The following LHFPL2 variants were observed in gnomAD, a reference collection of about 807,000 sequenced individuals.
LHFPL2 encodes the protein LHFPL tetraspan subfamily member 2 protein.
A neutral mutation model predicts 17.5 loss-of-function variants in LHFPL2; 7 were observed. That is an observed-to-expected ratio of 0.40 (90% confidence interval 0.23 to 0.75). LHFPL2 has a LOEUF of 0.75. Ranked by LOEUF, LHFPL2 falls within the 30% of genes least tolerant of loss-of-function variation. The pLI is 0.37. For missense variants in LHFPL2, 241 were observed against 294.8 expected (o/e 0.82, Z 1.34); for synonymous variants, 134 against 116.2 (o/e 1.15, Z -0.99).
intron 2 of LHFPL2, among the ~76,000 whole-genome samples, chr5:78,597,165 G>A (rs1293221072): frequency 6.6e-6 from 1 of 152,194 alleles, no homozygotes; most frequent in Non-Finnish European, 1.5e-5. Flanking sequence ...AGTGGAAACA[G>A]CCCACGAGCG....
At chr5:78,619,078 T>A (rs915088213) in intron 2 of LHFPL2, among the ~76,000 whole-genome samples, 1 of 152,128 alleles carries the variant, frequency 6.6e-6, no homozygotes, top group African/African-American at 2.4e-5. Flanking sequence ...CAGGTTGGAG[T>A]GCAGTGGTGC....
chr5:78,556,079 G>A (rs1381614861), intron 3 of LHFPL2, among the ~76,000 whole-genome samples: 21 of 152,152 alleles, frequency 1.4e-4, no homozygotes, highest in Non-Finnish European at 1.5e-5. Context: ...GGCACCCACT[G>A]GGCAGGGCTA....
chr5:78,574,783 G>A (rs1489943127), intron 2 of LHFPL2, among the ~76,000 whole-genome samples: 1 of 152,214 alleles, frequency 6.6e-6, no homozygotes, highest in East Asian at 1.9e-4. Context: ...TTCTGCTGAT[G>A]CATGTTTTGG....
At chr5:78,562,566 C>T (rs1191963752) in intron 3 of LHFPL2, among the ~76,000 whole-genome samples, 2 of 149,758 alleles carry the variant, frequency 1.3e-5, no homozygotes, top group African/African-American at 4.9e-5. Flanking sequence ...ACTGGGGAGG[C>T]GGAGGCTGCA....
At chr5:78,550,478 C>T (rs59702459) in intron 3 of LHFPL2, among the ~76,000 whole-genome samples, 3,967 of 152,204 alleles carry the variant, frequency 0.026, 163 homozygotes, top group African/African-American at 0.091. Flanking sequence ...AGAGGGAGAG[C>T]GCCGGAATGC....
At chr5:78,495,778 A>G (rs1015336999) in intron 4 of LHFPL2, among the ~76,000 whole-genome samples, 2 of 152,232 alleles carry the variant, frequency 1.3e-5, no homozygotes, top group Non-Finnish European at 2.9e-5. Flanking sequence ...CCACTTGGGA[A>G]GTTCCCAAGC....
rs563372690 is a variant in LHFPL2 at position 78,493,211 on chromosome 5, G to A, written c.431-4058C>T. Among the ~76,000 whole-genome samples, 47 of 152,280 alleles carry A rather than the reference G, an allele frequency of 3.1e-4. 1 individual carries two copies. The South Asian group carries it at 3.9e-3, about 13-fold the overall frequency. ...TGTCCCTCTGTGGTGAATGCCACAC[G>A]TAGTCCTCCCCTCACGAGGTCCACA... On this transcript the variant is annotated intron_variant, in intron 4 of 4. Transcript: ENST00000380345.
At chr5:78,582,146 C>A (rs1335543882) in intron 2 of LHFPL2, among the ~76,000 whole-genome samples, 3 of 152,184 alleles carry the variant, frequency 2.0e-5, no homozygotes, top group Admixed American at 6.5e-5. Context: ...ACCCCTTTAT[C>A]ATTTTTTATT....
intron 3 of LHFPL2, among the ~76,000 whole-genome samples, chr5:78,519,609 CCT>C (rs1321206225): frequency 6.6e-6 from 1 of 152,170 alleles, no homozygotes; most frequent in South Asian, 2.1e-4. Flanking sequence ...TTCCTCAGTT[CCT>C]GTGTCCGTAA....
chr5:78,532,960 G>A (rs1755830259), intron 3 of LHFPL2, among the ~76,000 whole-genome samples: 1 of 152,222 alleles, frequency 6.6e-6, no homozygotes, highest in Non-Finnish European at 1.5e-5. Flanking sequence ...GAGGCCCGTG[G>A]TGCCAACAAC....
intron 1 of LHFPL2, among the ~76,000 whole-genome samples, chr5:78,633,354 G>C (rs1377729649): frequency 6.6e-6 from 1 of 152,216 alleles, no homozygotes; most frequent in African/African-American, 2.4e-5. Context: ...CTGCCTCAGG[G>C]GCAGAGTCTG....
At chr5:78,646,636 CT>C (rs1413191351) in intron 1 of LHFPL2, among the ~76,000 whole-genome samples, 4 of 152,168 alleles carry the variant, frequency 2.6e-5, no homozygotes, top group African/African-American at 9.7e-5. Context: ...AGTTGAGAAG[CT>C]GTATATAGTG....
intron 2 of LHFPL2, among the ~76,000 whole-genome samples, chr5:78,568,383 G>A (rs1242395198): frequency 2.6e-5 from 4 of 152,120 alleles, no homozygotes; most frequent in South Asian, 2.1e-4. Context: ...TTACACTTCC[G>A]GATGTCAGGA....
Position 78,645,401 on chromosome 5 carries a change from C to T in LHFPL2, c.-350+3098G>A, listed in dbSNP as rs563959877. ...CTGGATAAATGAAGGAACAAACAGG[C>T]ACTCTCCCTAAATTAGCAGAGTTCT... On this transcript the variant is annotated intron_variant, in intron 1 of 4. Coordinates refer to ENST00000380345, the MANE Select transcript of LHFPL2 (RefSeq NM_005779.3). Among the ~76,000 whole-genome samples the T allele has an allele frequency of 1.2e-4, 18 of 152,068 alleles. No individual in the cohort carries two copies. The South Asian group carries it at 3.5e-3, about 30-fold the overall frequency.
chr5:78,489,480 A>C (rs1318981073), intron 4 of LHFPL2, among the ~76,000 whole-genome samples: 2 of 152,156 alleles, frequency 1.3e-5, no homozygotes, highest in African/African-American at 4.8e-5. Context: ...GTTGTAGCTC[A>C]CTGCACTTGA....
At chr5:78,555,024 T>C (rs1237532551) in intron 3 of LHFPL2, among the ~76,000 whole-genome samples, 1 of 152,214 alleles carries the variant, frequency 6.6e-6, no homozygotes. Flanking sequence ...TATGAAAATA[T>C]TTGTATTTCT....
intron 3 of LHFPL2, among the ~76,000 whole-genome samples, chr5:78,549,976 T>C (rs1379404198): frequency 3.3e-5 from 5 of 152,160 alleles, no homozygotes; most frequent in Non-Finnish European, 7.4e-5. Flanking sequence ...AAACTGGGGG[T>C]TGTTTTCTTC....
intron 1 of LHFPL2, among the ~76,000 whole-genome samples, chr5:78,638,630 C>A (rs184622409): frequency 6.6e-6 from 1 of 152,162 alleles, no homozygotes; most frequent in African/African-American, 2.4e-5. Context: ...CCTCTGCCCT[C>A]CGGCCGCCTG....
At chr5:78,546,903 T>G (rs1242745654) in intron 3 of LHFPL2, among the ~76,000 whole-genome samples, 1 of 152,164 alleles carries the variant, frequency 6.6e-6, no homozygotes, top group Non-Finnish European at 1.5e-5. Context: ...AAGTCAGTCC[T>G]CTGAACCTGT....
Sources: gnomAD v4.1 joint callset for allele counts (sites outside exome capture counted in the v4.1 genomes callset) on GRCh38, gnomAD v4.1.1 for gene constraint, MANE v1.5 for transcripts, NCBI Gene and HGNC (gene_info 2026-07-23, HGNC 2026-07-21) for gene names.